The following GLIS3 variants were observed in gnomAD, a reference collection of about 807,000 sequenced individuals.
GLIS3 encodes GLIS family zinc finger 3.
In GLIS3, 53 loss-of-function variants were observed where a neutral mutation model predicts 78.6. The observed-to-expected ratio is 0.67, with a 90% CI of 0.54 to 0.85. GLIS3 has a LOEUF of 0.85. Among genes scored for constraint, GLIS3 ranks in the 40% least tolerant of loss-of-function variants. The probability of loss-of-function intolerance (pLI) is 0.00; values close to 1 mark genes in which losing one functional copy is unlikely to be tolerated. For missense variants in GLIS3, 1,703 were observed against 1,231.1 expected (o/e 1.38, Z -5.74); for synonymous variants, 684 against 509.9 (o/e 1.34, Z -4.60).
the GLIS3 span, among the ~76,000 whole-genome samples, chr9:4,396,041 G>A: frequency 2.0e-5 from 3 of 151,698 alleles, no homozygotes; most frequent in African/African-American, 7.3e-5. Context: ...CAAAGTGCTG[G>A]GATTACAGGA....
intron 4 of GLIS3, among the ~76,000 whole-genome samples, chr9:4,091,675 C>T (rs1372809374): frequency 3.3e-5 from 5 of 152,164 alleles, no homozygotes; most frequent in Non-Finnish European, 2.9e-5. Context: ...CTTCGCTCGA[C>T]TCTCACTTCT....
chr9:4,212,647 C>T (rs1820476417), intron 2 of GLIS3, among the ~76,000 whole-genome samples: 1 of 152,220 alleles, frequency 6.6e-6, no homozygotes, highest in South Asian at 2.1e-4. Context: ...TAAAAGGCAA[C>T]TATGGAAACA....
chr9:4,240,789 A>G (rs1208806141), intron 2 of GLIS3, among the ~76,000 whole-genome samples: 1 of 152,212 alleles, frequency 6.6e-6, no homozygotes. Context: ...AATAATCTGT[A>G]CAACAAACCC....
the GLIS3 span, among the ~76,000 whole-genome samples, chr9:4,459,889 G>A: frequency 7.2e-5 from 11 of 152,218 alleles, no homozygotes; most frequent in Non-Finnish European, 1.5e-4. Flanking sequence ...GCTGAATGAT[G>A]GAGAAAAATG....
chr9:4,460,527 C>T, the GLIS3 span, among the ~76,000 whole-genome samples: 2 of 152,148 alleles, frequency 1.3e-5, no homozygotes, highest in Non-Finnish European at 2.9e-5. Context: ...GCTTGATGTC[C>T]TGGCTAGTGC....
chr9:3,848,498 G>T (rs1046616688), intron 9 of GLIS3, among the ~76,000 whole-genome samples: 2 of 152,078 alleles, frequency 1.3e-5, no homozygotes, highest in Non-Finnish European at 1.5e-5. Context: ...GCGAAACTCT[G>T]TCTCAAAAAA....
At chr9:4,397,024 C>CTTTTTTTTTTTTTTTTT in the GLIS3 span, among the ~76,000 whole-genome samples, 1 of 121,204 alleles carries the variant, frequency 8.3e-6, no homozygotes, top group Non-Finnish European at 1.8e-5. Flanking sequence ...TTCTTTTTTT[C>CTTTTTTTTTTTTTTTTT]TTTTTTTTTT....
intron 4 of GLIS3, among the ~76,000 whole-genome samples, chr9:4,070,416 T>C (rs1827488729): frequency 6.6e-6 from 1 of 152,204 alleles, no homozygotes; most frequent in South Asian, 2.1e-4. Flanking sequence ...GCTATGTCCC[T>C]AGACACAGTA....
chr9:4,060,972 T>C (rs1290547012), intron 4 of GLIS3, among the ~76,000 whole-genome samples: 1 of 152,190 alleles, frequency 6.6e-6, no homozygotes, highest in Admixed American at 6.5e-5. Context: ...TAGTTCCTAC[T>C]TTCTGGCCTA....
chr9:4,215,736 T>C (rs1820766911), intron 2 of GLIS3, among the ~76,000 whole-genome samples: 1 of 152,206 alleles, frequency 6.6e-6, no homozygotes, highest in African/African-American at 2.4e-5. Context: ...ATTTAACCAC[T>C]TCAAAGTTTC....
rs185144248 is a variant in GLIS3 at position 4,227,271 on chromosome 9, A to G, written c.388+58767T>C. ...AGAAAGACAGGACAGAATTTGCCAC[A>G]CTCCTAAAGATGGTTCTGGGTCACG... On this transcript the variant is annotated intron_variant, in intron 2 of 10. Transcript: ENST00000381971. 3.8e-4 allele frequency among the ~76,000 whole-genome samples: 56 copies of G among 149,270 alleles called. 2 individuals are homozygous for G. In the East Asian group the frequency reaches 0.01, roughly 28 times the overall value.
chr9:4,249,133 A>T (rs1192998082), intron 2 of GLIS3, among the ~76,000 whole-genome samples: 1 of 152,184 alleles, frequency 6.6e-6, no homozygotes, highest in Non-Finnish European at 1.5e-5. Context: ...GTTCCATATG[A>T]AATTTAAAGC....
the GLIS3 span, among the ~76,000 whole-genome samples, chr9:4,448,220 C>T: frequency 1.7e-4 from 26 of 152,186 alleles, no homozygotes; most frequent in African/African-American, 6.0e-4. Flanking sequence ...TTGCTAACTC[C>T]CCATTCCCAT....
At chr9:4,440,219 C>T in the GLIS3 span, among the ~76,000 whole-genome samples, 1 of 152,038 alleles carries the variant, frequency 6.6e-6, no homozygotes, top group Admixed American at 6.6e-5. Flanking sequence ...TCCAATATTG[C>T]TTTTGTTGCC....
In GLIS3 at chr9:4,278,701, A is replaced by G. The variant is rs866364632; in HGVS notation, c.388+7337T>C. On this transcript the variant is annotated intron_variant, in intron 2 of 10. Coordinates refer to ENST00000381971, the MANE Select transcript of GLIS3 (RefSeq NM_001042413.2). ...GTAAAAACTGATTCTGACAAGTATCATCAATGGATGCTATGAAAGATTGTT... is the reference window on the plus strand; with the variant it reads ...GTAAAAACTGATTCTGACAAGTATCGTCAATGGATGCTATGAAAGATTGTT... Among the ~76,000 whole-genome samples the G allele has an allele frequency of 8.5e-5, 13 of 152,254 alleles. No individual in the cohort carries two copies. In the East Asian group the frequency reaches 1.2e-3, roughly 14 times the overall value.
intron 1 of GLIS3, among the ~76,000 whole-genome samples, chr9:4,291,953 G>GAGAC (rs1816017619): frequency 6.6e-6 from 1 of 152,068 alleles, no homozygotes; most frequent in African/African-American, 2.4e-5. Context: ...AGTACAGAAA[G>GAGAC]GTCTAGAGAG....
intron 2 of GLIS3, among the ~76,000 whole-genome samples, chr9:4,323,597 G>A (rs1370371233): frequency 6.6e-6 from 1 of 152,076 alleles, no homozygotes; most frequent in Non-Finnish European, 1.5e-5. Context: ...CATTTCCTCA[G>A]GAGATATTTT....
At chr9:4,124,555 T>A (rs1208716335) in intron 3 of GLIS3, among the ~76,000 whole-genome samples, 1 of 152,194 alleles carries the variant, frequency 6.6e-6, no homozygotes, top group African/African-American at 2.4e-5. Context: ...CCTTAAGGCA[T>A]AATCATCAAT....
intron 4 of GLIS3, among the ~76,000 whole-genome samples, chr9:4,023,469 T>A (rs1285712689): frequency 6.6e-6 from 1 of 152,186 alleles, no homozygotes; most frequent in Non-Finnish European, 1.5e-5. Flanking sequence ...CTTTTGTTCC[T>A]AAACATATAA....
Sources: gnomAD v4.1 joint callset for allele counts (sites outside exome capture counted in the v4.1 genomes callset) on GRCh38, gnomAD v4.1.1 for gene constraint, MANE v1.5 for transcripts, NCBI Gene and HGNC (gene_info 2026-07-23, HGNC 2026-07-21) for gene names.